NIBAN1: variants seen among roughly 807,000 people sequenced by gnomAD.
NIBAN1 encodes the protein niban apoptosis regulator 1.
NIBAN1 carries 81 observed loss-of-function variants against 75.1 expected under a neutral mutation model. The ratio of observed to expected loss-of-function variants is 1.08; its 90% CI spans 0.90 to 1.30. The LOEUF is 1.30. Ranked by LOEUF, NIBAN1 falls within the 50% of genes most tolerant of loss-of-function variation. NIBAN1 has a pLI of 0.00. For missense variants in NIBAN1, 1,133 were observed against 1,128.1 expected, an observed-to-expected ratio of 1.00 and a Z score of -0.06; for synonymous variants, 436 against 424.8, an observed-to-expected ratio of 1.03 and a Z score of -0.32.
rs770931869 is a variant in NIBAN1, at chr1:184,808,253, G to A, written c.1174-18C>T. ...TCTAGATGCTGCATTTTGGTGAAGG[G>A]AAACATTAAACACCCTCAGAATGAG... On this transcript the variant is annotated intron_variant, in intron 9 of 13. Coordinates refer to ENST00000367511, the MANE Select transcript of NIBAN1 (RefSeq NM_052966.4). The A allele has an allele frequency of 1.4e-5, 22 of 1,612,050 alleles. No homozygotes were observed. The highest frequency in any genetic ancestry group is 1.9e-5 in the Non-Finnish European group (22 of 1,178,630).
intron 10 of NIBAN1, 67 bp from the exon 11 acceptor site, chr1:184,806,123 G>T (rs1654191942): frequency 1.5e-6 from 2 of 1,327,072 alleles, no homozygotes; most frequent in Non-Finnish European, 2.1e-6. Context: ...CACAGGCCTG[G>T]CTAAGTGGGA....
At chr1:184,922,900 C>T (rs986060623) in intron 1 of NIBAN1, among the ~76,000 whole-genome samples, 15 of 152,202 alleles carry the variant, frequency 9.9e-5, no homozygotes, top group East Asian at 1.9e-4. Context: ...AGTTAAATCA[C>T]GCCTGATTTA....
chr1:184,885,334 G>A (rs764354095), intron 4 of NIBAN1, among the ~76,000 whole-genome samples: 2 of 151,870 alleles, frequency 1.3e-5, no homozygotes, highest in Non-Finnish European at 2.9e-5. Flanking sequence ...CACCGCACCC[G>A]GCTAGTTTTT....
At chr1:184,886,024 A>T (rs1462084239) in intron 4 of NIBAN1, among the ~76,000 whole-genome samples, 1 of 152,064 alleles carries the variant, frequency 6.6e-6, no homozygotes, top group Non-Finnish European at 1.5e-5. Flanking sequence ...GTACCCTCCC[A>T]GGGTGTGTTC....
At chr1:184,812,661 T>C (rs562230641) in intron 9 of NIBAN1, among the ~76,000 whole-genome samples, 1 of 152,348 alleles carries the variant, frequency 6.6e-6, no homozygotes, top group South Asian at 2.1e-4. Flanking sequence ...GTTTATGTCA[T>C]AGTTAGCTCT....
At chr1:184,820,431 G>A (rs1199951567) in intron 8 of NIBAN1, among the ~76,000 whole-genome samples, 1 of 152,064 alleles carries the variant, frequency 6.6e-6, no homozygotes, top group Admixed American at 6.5e-5. Context: ...CCTTTACCTT[G>A]CCTTCCTTCC....
chr1:184,873,977 AAAGTTT>A (rs1203253026), intron 5 of NIBAN1, among the ~76,000 whole-genome samples: 5 of 152,148 alleles, frequency 3.3e-5, no homozygotes, highest in African/African-American at 9.7e-5. Flanking sequence ...AAATGTAATT[AAAGTTT>A]AAGTCCACAA....
intron 1 of NIBAN1, among the ~76,000 whole-genome samples, chr1:184,937,145 CTTTTTTTT>C (rs138240427): frequency 1.1e-5 from 1 of 92,126 alleles, no homozygotes; most frequent in Non-Finnish European, 2.0e-5. Flanking sequence ...TAGCTGGATT[CTTTTTTTT>C]TTTTTTTTTT....
At chr1:184,884,582 G>A (rs572674627) in intron 5 of NIBAN1, 51 bp downstream of exon 5, 34 of 1,603,896 alleles carry the variant, frequency 2.1e-5, no homozygotes, top group Middle Eastern at 3.4e-4. Context: ...ACAACTCAGC[G>A]AGGGCTGCCC....
intron 5 of NIBAN1, among the ~76,000 whole-genome samples, chr1:184,869,786 C>T (rs1191126420): frequency 1.3e-5 from 2 of 152,190 alleles, no homozygotes; most frequent in Non-Finnish European, 1.5e-5. Context: ...AAATGACCCA[C>T]CCACCTTGGC....
chr1:184,901,640 T>C (rs1351692501), intron 1 of NIBAN1, among the ~76,000 whole-genome samples: 1 of 152,204 alleles, frequency 6.6e-6, no homozygotes, highest in African/African-American at 2.4e-5. Context: ...ATTTTTGTAC[T>C]CTTGAAAGCA....
At chr1:184,951,700 C>T (rs1361168632) in intron 1 of NIBAN1, among the ~76,000 whole-genome samples, 2 of 152,158 alleles carry the variant, frequency 1.3e-5, no homozygotes, top group East Asian at 3.8e-4. Context: ...TCCCTTGTCC[C>T]CCCTACAGTC....
chr1:184,893,556 C>G (rs1656725705), intron 3 of NIBAN1, among the ~76,000 whole-genome samples: 1 of 152,140 alleles, frequency 6.6e-6, no homozygotes, highest in African/African-American at 2.4e-5. Context: ...GTGAGGCATT[C>G]TGAATTCCTA....
chr1:184,923,871 C>T (rs749367200), intron 1 of NIBAN1, among the ~76,000 whole-genome samples: 34 of 151,566 alleles, frequency 2.2e-4, no homozygotes, highest in Middle Eastern at 6.9e-3. Context: ...TCAGATTGTT[C>T]ACTGCTGGCA....
chr1:184,926,223 T>C (rs56251286), intron 1 of NIBAN1, among the ~76,000 whole-genome samples: 24 of 152,244 alleles, frequency 1.6e-4, no homozygotes, highest in Non-Finnish European at 2.5e-4. Flanking sequence ...AGCTCCATCG[T>C]ATGTTTTTTA....
intron 3 of NIBAN1, among the ~76,000 whole-genome samples, chr1:184,891,835 A>T (rs926044256): frequency 2.6e-5 from 4 of 152,186 alleles, no homozygotes; most frequent in African/African-American, 4.8e-5. Flanking sequence ...TCCATAAATT[A>T]AAAAAAGAAG....
rs1653712303 is a variant in NIBAN1, at chr1:184,792,065, T to C, written c.*2912A>G. ...TCAACTTCCCTCGCTCAAACAATCC[T>C]CCTGCCTCAACCACCCAAGTAGCTA... On this transcript the variant is annotated 3_prime_UTR_variant, in exon 14 of 14. Transcript: ENST00000367511. 1 of 151,972 alleles carries C rather than the reference T, an allele frequency of 6.6e-6. No individual in the cohort carries two copies. The highest frequency in any genetic ancestry group is 1.5e-5 in the Non-Finnish European group (1 of 68,018). The allele number at this position is 151,972 out of a possible 1,614,324, so 9.4% of individuals were successfully genotyped here.
At chr1:184,886,728 G>A (rs1161756870) in intron 4 of NIBAN1, among the ~76,000 whole-genome samples, 1 of 152,150 alleles carries the variant, frequency 6.6e-6, no homozygotes, top group East Asian at 1.9e-4. Flanking sequence ...ACCAATCTCA[G>A]GGAAAGGTAA....
chr1:184,805,188 T>C (rs1234483793), intron 11 of NIBAN1, among the ~76,000 whole-genome samples: 1 of 152,220 alleles, frequency 6.6e-6, no homozygotes, highest in Non-Finnish European at 1.5e-5. Flanking sequence ...CCCTAGGCTC[T>C]GTGGGACTTT....
Sources: gnomAD v4.1 joint callset for allele counts (sites outside exome capture counted in the v4.1 genomes callset) on GRCh38, gnomAD v4.1.1 for gene constraint, MANE v1.5 for transcripts, NCBI Gene and HGNC (gene_info 2026-07-23, HGNC 2026-07-21) for gene names.